Variants in OCLN observed in about 807,000 individuals in gnomAD.
The protein encoded by OCLN is phosphatase 1, regulatory subunit 115.
In OCLN, 21 loss-of-function variants were observed where a neutral mutation model predicts 47.9. That is an observed-to-expected ratio of 0.44 (90% confidence interval 0.31 to 0.63). OCLN has a LOEUF of 0.63. Ranked by LOEUF, OCLN falls within the 30% of genes least tolerant of loss-of-function variation. The pLI is 0.08. For missense variants in OCLN, 360 were observed against 571.0 expected (o/e 0.63, Z 3.77); for synonymous variants, 117 against 198.4 (o/e 0.59, Z 3.45).
At chr5:69,497,492 A>G (rs748311046) in intron 1 of OCLN, among the ~76,000 whole-genome samples, 2 of 151,206 alleles carry the variant, frequency 1.3e-5, no homozygotes, top group African/African-American at 4.9e-5. Flanking sequence ...GGTTCAAGCA[A>G]TTCTCCTGCC....
chr5:69,515,526 G>A (rs1580562707), intron 4 of OCLN, among the ~76,000 whole-genome samples: 1 of 131,862 alleles, frequency 7.6e-6, no homozygotes. Context: ...CGGCTGGCCG[G>A]GCGGGGGGCT....
intron 2 of OCLN, among the ~76,000 whole-genome samples, chr5:69,504,658 C>T (rs1232742202): frequency 6.6e-6 from 1 of 152,168 alleles, no homozygotes; most frequent in Non-Finnish European, 1.5e-5. Context: ...AGCTTTAGGC[C>T]GGGTGCGGTG....
chr5:69,506,897 A>G (rs894192988), intron 2 of OCLN, among the ~76,000 whole-genome samples: 29 of 152,186 alleles, frequency 1.9e-4, no homozygotes, highest in Non-Finnish European at 4.0e-4. Context: ...GCTTTTGTAA[A>G]TAATGGTGAA....
intron 4 of OCLN, among the ~76,000 whole-genome samples, chr5:69,515,749 T>A: frequency 7.1e-6 from 1 of 140,498 alleles, no homozygotes; most frequent in African/African-American, 2.7e-5. Context: ...ATGGGGCGGT[T>A]GCCAGGCGGA....
Position 69,493,264 on chromosome 5 carries a change from TG to T in OCLN, c.-69+371del, listed in dbSNP as rs1006150970. On this transcript the variant is annotated intron_variant, in intron 1 of 8. Transcript: ENST00000396442. The surrounding 1 kb of genome is among the most constrained non-coding windows in gnomAD (Gnocchi z 5.3). ...CTGCATCCGCTCTGGGGCTGCAGTTTGGGGGGGCGGCCTTCATGGAGAGGGA... is the reference window on the plus strand; with the variant it reads ...CTGCATCCGCTCTGGGGCTGCAGTTTGGGGGGCGGCCTTCATGGAGAGGGA... 6.6e-5 allele frequency among the ~76,000 whole-genome samples: 10 copies of T among 151,920 alleles called. No individual in the cohort carries two copies. Among genetic ancestry groups the T allele is most frequent in the Non-Finnish European group, 1.3e-4 (9 of 67,976 alleles).
intron 2 of OCLN, among the ~76,000 whole-genome samples, chr5:69,506,729 A>C (rs1276845860): frequency 6.6e-6 from 1 of 152,198 alleles, no homozygotes; most frequent in African/African-American, 2.4e-5. Context: ...CATATTTTAC[A>C]ATATCACGTG....
At chr5:69,514,636 A>G (rs1468234202) in intron 4 of OCLN, among the ~76,000 whole-genome samples, 3 of 152,024 alleles carry the variant, frequency 2.0e-5, no homozygotes, top group Non-Finnish European at 2.9e-5. Context: ...CAAGTGAACA[A>G]AGGTCTCTGG....
rs758269124 is a variant in OCLN at position 69,514,043 on chromosome 5, C to A, written c.825C>A (p.Asp275Glu). The A allele has an allele frequency of 3.1e-6, 5 of 1,613,816 alleles. No individual in the cohort carries two copies. Among genetic ancestry groups the A allele is most frequent in the Non-Finnish European group, 4.2e-6 (5 of 1,179,858 alleles). Residue 275 changes from aspartate (D) to glutamate (E), a missense_variant, in exon 4 of 9, where the codon GAC becomes GAA. Physicochemically the swap from Asp to Glu is conservative, Grantham distance 45. This residue lies in a region of OCLN where 314 missense variants were observed against 368.1 expected (regional missense o/e 0.85). Coordinates refer to ENST00000396442, the MANE Select transcript of OCLN (RefSeq NM_001205254.2). ...CTCGAAGAAAGATGGACAGGTATGA[C>A]AAGTCCAATATTTTGTGGGACAAGG... is the stretch of plus-strand genomic sequence containing the variant. ...VKTRRKMDRYDKSNILWDKEH... is the reference protein window; with the variant it reads ...VKTRRKMDRYEKSNILWDKEH...
intron 1 of OCLN, among the ~76,000 whole-genome samples, chr5:69,499,832 G>C (rs751050443): frequency 6.6e-6 from 1 of 152,106 alleles, no homozygotes; most frequent in Non-Finnish European, 1.5e-5. Flanking sequence ...TGATCCACCC[G>C]CCTCGGCCTC....
At chr5:69,511,547 G>C (rs1768787676) in intron 3 of OCLN, among the ~76,000 whole-genome samples, 1 of 151,906 alleles carries the variant, frequency 6.6e-6, no homozygotes, top group African/African-American at 2.4e-5. Flanking sequence ...GAGTAGCTAG[G>C]ACCACAGGGG....
At chr5:69,531,250 A>G (rs538992553) in intron 4 of OCLN, among the ~76,000 whole-genome samples, 61 of 152,342 alleles carry the variant, frequency 4.0e-4, no homozygotes, top group Admixed American at 7.2e-4. Flanking sequence ...TTGTATGCAC[A>G]GGTGTAGGGA....
intron 4 of OCLN, among the ~76,000 whole-genome samples, chr5:69,533,998 G>C (rs1466571602): frequency 7.2e-5 from 11 of 151,784 alleles, no homozygotes; most frequent in Non-Finnish European, 1.3e-4. Context: ...ACTTTTGTAG[G>C]ATGAATTCAC....
intron 4 of OCLN, among the ~76,000 whole-genome samples, chr5:69,522,612 C>T (rs547145812): frequency 6.6e-5 from 10 of 152,136 alleles, no homozygotes; most frequent in Admixed American, 2.6e-4. Context: ...CTGGACCACC[C>T]CCCTTGTTTT....
At chr5:69,502,940 A>C (rs1197095091) in intron 1 of OCLN, among the ~76,000 whole-genome samples, 1 of 152,194 alleles carries the variant, frequency 6.6e-6, no homozygotes, top group Non-Finnish European at 1.5e-5. Flanking sequence ...TAGCATAGTG[A>C]AAAGCACATG....
At chr5:69,531,086 G>C (rs1270000758) in intron 4 of OCLN, among the ~76,000 whole-genome samples, 1 of 152,244 alleles carries the variant, frequency 6.6e-6, no homozygotes, top group Non-Finnish European at 1.5e-5. Flanking sequence ...ATATTTGCCT[G>C]TAAATCCATG....
intron 1 of OCLN, among the ~76,000 whole-genome samples, chr5:69,500,191 A>G (rs1160721373): frequency 1.3e-5 from 2 of 152,130 alleles, no homozygotes; most frequent in East Asian, 3.9e-4. Context: ...TAAATGGTTC[A>G]TTCTTTTGTG....
chr5:69,515,960 C>T (rs1290702057), intron 4 of OCLN, among the ~76,000 whole-genome samples: 1 of 151,182 alleles, frequency 6.6e-6, no homozygotes, highest in East Asian at 2.0e-4. Context: ...AGAGGCGCTC[C>T]TCACTTCCTA....
intron 4 of OCLN, among the ~76,000 whole-genome samples, chr5:69,531,527 TG>T (rs1004242245): frequency 9.2e-5 from 14 of 152,252 alleles, no homozygotes; most frequent in Non-Finnish European, 1.3e-4. Flanking sequence ...GAATAGGCTT[TG>T]GTTTGGTGAA....
intron 3 of OCLN, among the ~76,000 whole-genome samples, chr5:69,512,023 CAAA>C (rs758425657): frequency 5.9e-5 from 2 of 33,880 alleles, no homozygotes; most frequent in East Asian, 1.4e-3. Flanking sequence ...AACTCTGTCT[CAAA>C]AAAAAAAAAA....
Sources: gnomAD v4.1 joint callset for allele counts (sites outside exome capture counted in the v4.1 genomes callset) on GRCh38, gnomAD v4.1.1 for gene constraint, gnomAD v4.1.1 regional missense constraint, Gnocchi (gnomAD v3.1) non-coding constraint, MANE v1.5 for transcripts, NCBI Gene and HGNC (gene_info 2026-07-23, HGNC 2026-07-21) for gene names.